The following DAB1 variants were observed in gnomAD, a reference collection of about 807,000 sequenced individuals.
DAB1 encodes the protein disabled homolog 1.
In DAB1, 15 loss-of-function variants were observed where a neutral mutation model predicts 64.6. The observed-to-expected ratio is 0.23, with a 90% CI of 0.16 to 0.36. The LOEUF is 0.36. Ranked by LOEUF, DAB1 falls within the 10% of genes least tolerant of loss-of-function variation. The probability of loss-of-function intolerance (pLI) is 1.00; values close to 1 mark genes in which losing one functional copy is unlikely to be tolerated. For missense variants in DAB1, 596 were observed against 706.7 expected, an observed-to-expected ratio of 0.84 and a Z score of 1.78; for synonymous variants, 235 against 251.9, an observed-to-expected ratio of 0.93 and a Z score of 0.64.
At chr1:57,509,267 C>G (rs1044356628) in intron 7 of DAB1, among the ~76,000 whole-genome samples, 32 of 152,206 alleles carry the variant, frequency 2.1e-4, no homozygotes, top group African/African-American at 7.2e-4. Context: ...TCACTTTCCT[C>G]TCTTTATTTT....
chr1:57,539,807 G>A (rs1644779413), intron 7 of DAB1, among the ~76,000 whole-genome samples: 3 of 152,186 alleles, frequency 2.0e-5, no homozygotes, highest in African/African-American at 7.2e-5. Context: ...AGTAATGAGA[G>A]GAAAGTCTTT....
chr1:58,309,634 T>C (rs1317184913), intron 4 of DAB1, among the ~76,000 whole-genome samples: 1 of 152,192 alleles, frequency 6.6e-6, no homozygotes, highest in Non-Finnish European at 1.5e-5. Flanking sequence ...TTTCCTTTGT[T>C]ACCTTCCATC....
At chr1:57,426,950 G>A (rs1685314009), upstream of DAB1, among the ~76,000 whole-genome samples, 1 of 151,254 alleles carries the variant, frequency 6.6e-6, no homozygotes, top group African/African-American at 2.4e-5. Context: ...TGCAAGCTCC[G>A]CCTCCTGGGT....
rs147181987 is a variant in DAB1 at position 58,360,028 on chromosome 1, G to C, written n.258-16625C>G. Among the ~76,000 whole-genome samples, 12 of 152,176 alleles carry C rather than the reference G, an allele frequency of 7.9e-5. No individual in the cohort carries two copies. The East Asian group carries it at 1.4e-3, about 17-fold the overall frequency. On this transcript the variant is annotated intron_variant and non_coding_transcript_variant, in intron 3 of 20. Coordinates refer to the DAB1 transcript ENST00000485760. ...TTTCTTACTTCATGTCAATCAAATT[G>C]AGCACCTACCATTCACCAGACATGG...
intron 6 of DAB1, among the ~76,000 whole-genome samples, chr1:57,795,894 A>G (rs1650836439): frequency 6.6e-6 from 1 of 151,270 alleles, no homozygotes; most frequent in Non-Finnish European, 1.5e-5. Context: ...AAAATAACTC[A>G]TGTCCTGCCA....
chr1:58,509,439 T>G (rs934282297), intron 2 of DAB1, among the ~76,000 whole-genome samples: 16 of 150,220 alleles, frequency 1.1e-4, no homozygotes, highest in South Asian at 2.1e-4. Context: ...GAAAATGATT[T>G]TGAGACAAAT....
intron 7 of DAB1, among the ~76,000 whole-genome samples, chr1:57,542,592 G>A (rs1644814832): frequency 6.6e-6 from 1 of 151,662 alleles, no homozygotes. Flanking sequence ...AAACTACATG[G>A]GAGTCAGGCC....
chr1:57,123,175 G>A (rs1243429846), intron 4 of DAB1, among the ~76,000 whole-genome samples: 1 of 152,052 alleles, frequency 6.6e-6, no homozygotes, highest in African/African-American at 2.4e-5. Flanking sequence ...CTGAACATAG[G>A]CCAGTGAAAA....
At chr1:57,343,849 G>A (rs1160236228) in intron 1 of DAB1, among the ~76,000 whole-genome samples, 1 of 152,248 alleles carries the variant, frequency 6.6e-6, no homozygotes, top group Non-Finnish European at 1.5e-5. Context: ...CCAGAAAGCG[G>A]CTCCCACAGT....
intron 6 of DAB1, among the ~76,000 whole-genome samples, chr1:57,672,980 G>C (rs1646525609): frequency 6.6e-6 from 1 of 152,132 alleles, no homozygotes; most frequent in Admixed American, 6.6e-5. Context: ...CTCATCTTTT[G>C]GTGAGGATAT....
intron 7 of DAB1, among the ~76,000 whole-genome samples, chr1:57,605,206 C>T (rs771496381): frequency 1.3e-5 from 2 of 152,134 alleles, no homozygotes; most frequent in Non-Finnish European, 2.9e-5. Flanking sequence ...CATCTATCAC[C>T]GTTGGCCTGC....
intron 7 of DAB1, among the ~76,000 whole-genome samples, chr1:57,495,797 G>A (rs1042505118): frequency 1.3e-5 from 2 of 152,122 alleles, no homozygotes; most frequent in African/African-American, 2.4e-5. Flanking sequence ...CTTGTGCAAG[G>A]TTCTTCCTGG....
At chr1:57,787,083 T>C (rs1650370551) in intron 6 of DAB1, among the ~76,000 whole-genome samples, 1 of 152,174 alleles carries the variant, frequency 6.6e-6, no homozygotes, top group African/African-American at 2.4e-5. Context: ...ACATATCAAT[T>C]ATCCTCAAAT....
At chr1:58,521,344 T>C (rs1392015264) in intron 2 of DAB1, among the ~76,000 whole-genome samples, 2 of 151,064 alleles carry the variant, frequency 1.3e-5, no homozygotes, top group Non-Finnish European at 1.5e-5. Context: ...AAAAAGAGTT[T>C]AAAATAAATG....
intron 1 of DAB1, among the ~76,000 whole-genome samples, chr1:57,320,339 A>G (rs1036365686): frequency 1.1e-4 from 17 of 152,194 alleles, no homozygotes; most frequent in African/African-American, 3.9e-4. Flanking sequence ...AGCAGTGTGA[A>G]AACTGACTAA....
chr1:57,280,579 T>C (rs941763047), intron 2 of DAB1, among the ~76,000 whole-genome samples: 8 of 152,140 alleles, frequency 5.3e-5, no homozygotes, highest in African/African-American at 1.7e-4. Context: ...CTTCCAAACA[T>C]AAAAATTCAG....
At chr1:58,442,625 A>G (rs1446591666) in intron 3 of DAB1, among the ~76,000 whole-genome samples, 1 of 152,196 alleles carries the variant, frequency 6.6e-6, no homozygotes, top group Non-Finnish European at 1.5e-5. Context: ...AAAACCAATA[A>G]GCTCAGAAAA....
chr1:57,749,968 A>G (rs890228180), intron 6 of DAB1, among the ~76,000 whole-genome samples: 1 of 152,064 alleles, frequency 6.6e-6, no homozygotes, highest in Non-Finnish European at 1.5e-5. Context: ...GGTGAAAAAA[A>G]TCAATACACA....
intron 1 of DAB1, among the ~76,000 whole-genome samples, chr1:57,326,814 A>T (rs1180603358): frequency 6.6e-6 from 1 of 151,662 alleles, no homozygotes. Flanking sequence ...AATCCTCATC[A>T]CCTCCCAATG....
Sources: allele counts gnomAD v4.1 joint callset (sites outside exome capture counted in the v4.1 genomes callset), GRCh38; gene constraint gnomAD v4.1.1; transcripts MANE v1.5; gene names NCBI Gene and HGNC (gene_info 2026-07-23, HGNC 2026-07-21).